The following TMEM98 variants were observed in gnomAD, a reference collection of about 807,000 sequenced individuals.
TMEM98 encodes the protein transmembrane protein 98.
A neutral mutation model predicts 25.0 loss-of-function variants in TMEM98; 18 were observed. The ratio of observed to expected loss-of-function variants is 0.72; its 90% confidence interval spans 0.50 to 1.07. TMEM98 has a LOEUF of 1.07. Among genes scored for constraint, TMEM98 ranks in the 50% least tolerant of loss-of-function variants. The pLI is 0.00. For synonymous variants in TMEM98, 103 were observed against 112.4 expected (o/e 0.92, Z 0.53); for missense variants, 241 against 289.0 (o/e 0.83, Z 1.20).
At chr17:32,935,409 A>G (rs1367421460) in intron 5 of TMEM98, among the ~76,000 whole-genome samples, 1 of 152,190 alleles carries the variant, frequency 6.6e-6, no homozygotes, top group African/African-American at 2.4e-5. Flanking sequence ...TTAGGAGGAT[A>G]AATGGCACCT....
Position 32,942,726 on chromosome 17 carries a change from A to T in TMEM98, c.*1733A>T, listed in dbSNP as rs2091536939. 6.6e-6 allele frequency: 1 copy of T among 152,120 alleles called. No individual in the cohort carries two copies. Among genetic ancestry groups the T allele is most frequent in the Non-Finnish European group, 1.5e-5 (1 of 68,022 alleles). The allele number at this position is 152,120 out of a possible 1,614,324, so 9.4% of individuals were successfully genotyped here. ...TGGTGGCTTCCATCAACTCTTAAAA[A>T]CGTTAAGTGGTGAACTTTCCCGTCC... On this transcript the variant is annotated 3_prime_UTR_variant, in exon 8 of 8. Transcript: ENST00000579849.
Position 32,939,474 on chromosome 17 carries a change from C to T in TMEM98, c.414-3C>T, listed in dbSNP as rs1206988876. The T allele has an allele frequency of 2.5e-6, 4 of 1,613,838 alleles. No individual in the cohort carries two copies. The highest frequency in any genetic ancestry group is 3.4e-6 in the Non-Finnish European group (4 of 1,179,908). Reference sequence around the variant, plus strand: ...GTACTGAACACCTTTTGCCTCCGGTCAGGGTGGATGATGTTGTGAAGTCGA... The same window carrying T: ...GTACTGAACACCTTTTGCCTCCGGTTAGGGTGGATGATGTTGTGAAGTCGA... On this transcript the variant is annotated splice_region_variant and splice_polypyrimidine_tract_variant and intron_variant, in intron 6 of 7. Coordinates refer to ENST00000579849, the MANE Select transcript of TMEM98 (RefSeq NM_015544.3).
intron 2 of TMEM98, 30 bp from the exon 3 acceptor site, chr17:32,931,445 A>AC: frequency 6.6e-7 from 1 of 1,522,580 alleles, no homozygotes; most frequent in East Asian, 2.4e-5. Flanking sequence ...CTTCTTGACC[A>AC]GATCTGCTCT....
rs1269811777 is a variant in TMEM98 at position 32,931,207 on chromosome 17, AAAAC to A, written c.-130-110_-130-107del. 1,330 of 247,016 alleles carry A rather than the reference AAAAC, an allele frequency of 5.4e-3. 20 individuals are homozygous for A. Among genetic ancestry groups the A allele is most frequent in the African/African-American group, 0.028 (1,227 of 43,748 alleles). The allele number at this position is 247,016 out of a possible 1,614,324, so 15.3% of individuals were successfully genotyped here. ...TGACAGAGCTAGACTCCATCTTAAA[AAAAC>A]AAACAAACACAAACAAACAAACAAA... On this transcript the variant is annotated intron_variant, in intron 1 of 7. Transcript: ENST00000579849.
intron 1 of TMEM98, among the ~76,000 whole-genome samples, chr17:32,928,805 G>GAGAAACAGTTCA (rs1228029415): frequency 2.9e-5 from 4 of 139,792 alleles, no homozygotes; most frequent in African/African-American, 1.2e-4. Context: ...AGAAACACAC[G>GAGAAACAGTTCA]CACTCAGAAG....
chr17:32,929,052 TCA>T (rs936407582), intron 1 of TMEM98, among the ~76,000 whole-genome samples: 6 of 139,290 alleles, frequency 4.3e-5, no homozygotes, highest in Non-Finnish European at 9.1e-5. Context: ...AACATTCAGC[TCA>T]CACACACTCA....
intron 7 of TMEM98, among the ~76,000 whole-genome samples, chr17:32,940,394 A>G (rs1424936888): frequency 6.6e-6 from 1 of 152,078 alleles, no homozygotes; most frequent in East Asian, 1.9e-4. Context: ...CCTATGTTTC[A>G]GTGGGCAGCG....
At position 32,932,652 on chromosome 17, in the gene TMEM98, G is replaced by C. The variant is rs533560967; in HGVS notation, c.132-522G>C. Among the ~76,000 whole-genome samples the C allele has an allele frequency of 1.2e-3, 182 of 152,222 alleles. 2 individuals are homozygous for C. Among genetic ancestry groups the C allele is most frequent in the African/African-American group, 4.3e-3 (179 of 41,542 alleles). ...GGTATCTCATTTTCTAAAGTACCCT[G>C]TTGTAAAATTGGAGGTGTTTTTACT... On this transcript the variant is annotated intron_variant, in intron 3 of 7. Coordinates refer to ENST00000579849, the MANE Select transcript of TMEM98 (RefSeq NM_015544.3).
intron 7 of TMEM98, among the ~76,000 whole-genome samples, chr17:32,940,455 C>T (rs968041742): frequency 1.8e-4 from 27 of 152,258 alleles, no homozygotes; most frequent in African/African-American, 5.1e-4. Flanking sequence ...TTTCACAAAG[C>T]GCTCTTTGGG....
chr17:32,928,940 ACT>A (rs1347434127), intron 1 of TMEM98, among the ~76,000 whole-genome samples: 1 of 143,950 alleles, frequency 6.9e-6, no homozygotes, highest in Non-Finnish European at 1.5e-5. Context: ...ACAGAAGCAC[ACT>A]CAAACATTCA....
rs151140793 is a variant in TMEM98 at position 32,934,297 on chromosome 17, C to T, written c.270C>T (p.Leu90=). The change falls in exon 5 of 8, where the codon CTC becomes CTT. Residue 90 remains leucine, a synonymous_variant. Transcript: ENST00000579849. ...CTTCTTCTTGTTTCCCCAGGGGTCT[C>T]ATGTCCCACTGCATTGCCATCTTGA... ...NEDWIEDASG[L]MSHCIAILKI... 4 of 1,613,998 alleles carry T rather than the reference C, an allele frequency of 2.5e-6. No individual in the cohort carries two copies. Among genetic ancestry groups the T allele is most frequent in the Non-Finnish European group, 3.4e-6 (4 of 1,180,034 alleles).
Position 32,936,467 on chromosome 17 carries a change from G to A in TMEM98, c.413+20G>A, listed in dbSNP as rs115255984. 1,131 of 1,605,374 alleles carry A rather than the reference G, an allele frequency of 7.0e-4. 8 individuals are homozygous for A. In the African/African-American group the frequency reaches 0.014, roughly 19 times the overall value. ...CCCCAGGTGAGCAATTGGCGGCTTCGAGGTCCCCACACTCCCTGAGGGAAG... is the reference window on the plus strand; with the variant it reads ...CCCCAGGTGAGCAATTGGCGGCTTCAAGGTCCCCACACTCCCTGAGGGAAG... On this transcript the variant is annotated intron_variant, in intron 6 of 7. Transcript: ENST00000579849.
intron 6 of TMEM98, among the ~76,000 whole-genome samples, chr17:32,938,412 A>G (rs568883779): frequency 1.3e-5 from 2 of 151,514 alleles, no homozygotes; most frequent in East Asian, 2.0e-4. Flanking sequence ...CGTGAATAAG[A>G]GTGTTTGAGG....
At chr17:32,939,437 C>G in intron 6 of TMEM98, 40 bp from the exon 7 acceptor site, 2 of 1,539,924 alleles carry the variant, frequency 1.3e-6, no homozygotes, top group South Asian at 2.3e-5. Context: ...AAAAGGAGAT[C>G]AGGAAAGTGA....
In TMEM98 at chr17:32,931,416, G is replaced by C; in HGVS notation, c.-55+14G>C. On this transcript the variant is annotated intron_variant, in intron 2 of 7. Coordinates refer to ENST00000579849, the MANE Select transcript of TMEM98 (RefSeq NM_015544.3). ...CACTTCCAGCAGGTAAGACCCACCT[G>C]TCCCACTCTCTTTCGTGGCTTCTTG... The C allele has an allele frequency of 1.4e-6, 2 of 1,450,034 alleles. No individual in the cohort carries two copies. The highest frequency in any genetic ancestry group is 1.8e-6 in the Non-Finnish European group (2 of 1,085,302). The allele number at this position is 1,450,034 out of a possible 1,614,324, so 89.8% of individuals were successfully genotyped here.
rs746408280 is a variant in TMEM98, at chr17:32,931,691, G to A, written c.131+32G>A. The A allele has an allele frequency of 2.5e-6, 4 of 1,595,426 alleles. No individual in the cohort carries two copies. In the South Asian group the frequency reaches 3.4e-5, roughly 14 times the overall value. On this transcript the variant is annotated intron_variant, in intron 3 of 7. Transcript: ENST00000579849. ...GAGCCTATGGAGGGCAAGGAGGAGG[G>A]GTGGGCTCTAACTAAAGAAAAAGAG...
rs779981478 is a variant in TMEM98, at chr17:32,933,171, C to T, written c.132-3C>T. On this transcript the variant is annotated splice_polypyrimidine_tract_variant and splice_region_variant and intron_variant, in intron 3 of 7. Transcript: ENST00000579849. ...ACCATTTAACGGGGGCCTTTTCTTC[C>T]AGGCCCATTGTGGACCTCATTGGTG... The T allele has an allele frequency of 1.9e-6, 3 of 1,613,902 alleles. No homozygotes were observed. Among genetic ancestry groups the T allele is most frequent in the Non-Finnish European group, 2.5e-6 (3 of 1,179,962 alleles).
At chr17:32,939,340 G>T in intron 6 of TMEM98, 137 bp from the exon 7 acceptor site, 1 of 778,874 alleles carries the variant, frequency 1.3e-6, no homozygotes, top group Non-Finnish European at 2.0e-6. Flanking sequence ...CTGGGAGGTG[G>T]ATGTTGCAGT....
intron 1 of TMEM98, among the ~76,000 whole-genome samples, chr17:32,930,171 G>A (rs2091459663): frequency 6.6e-6 from 1 of 152,052 alleles, no homozygotes; most frequent in African/African-American, 2.4e-5. Context: ...CCCAGAGAGG[G>A]GAGAATGCTT....
Sources: allele counts gnomAD v4.1 joint callset (sites outside exome capture counted in the v4.1 genomes callset), GRCh38; gene constraint gnomAD v4.1.1; transcripts MANE v1.5; gene names NCBI Gene and HGNC (gene_info 2026-07-23, HGNC 2026-07-21).